The following KDM5A variants were observed in gnomAD, a reference collection of about 807,000 sequenced individuals.
The protein encoded by KDM5A is lysine demethylase 5A.
A neutral mutation model predicts 193.5 loss-of-function variants in KDM5A; 42 were observed. The ratio of observed to expected loss-of-function variants is 0.22; its 90% CI spans 0.17 to 0.28. KDM5A has a LOEUF of 0.28. KDM5A is among the 10% of genes least tolerant of loss of function. The probability of loss-of-function intolerance (pLI) is 1.00; values close to 1 mark genes in which losing one functional copy is unlikely to be tolerated. For missense variants in KDM5A, 1,692 were observed against 2,055.1 expected, an observed-to-expected ratio of 0.82 and a Z score of 3.42; for synonymous variants, 796 against 718.1, an observed-to-expected ratio of 1.11 and a Z score of -1.73.
At chr12:326,989 G>C (rs1302269206) in intron 14 of KDM5A, among the ~76,000 whole-genome samples, 2 of 151,998 alleles carry the variant, frequency 1.3e-5, no homozygotes, top group African/African-American at 4.8e-5. Flanking sequence ...ATAATGAAGG[G>C]ATAAAGAGGA....
At chr12:289,903 C>CTTTTTTTTTTT (rs1943269398) in intron 27 of KDM5A, among the ~76,000 whole-genome samples, 14 of 106,730 alleles carry the variant, frequency 1.3e-4, no homozygotes, top group East Asian at 4.4e-4. Flanking sequence ...TTTTTTCTTT[C>CTTTTTTTTTTT]TTTCTTTTTT....
chr12:356,295 G>C, intron 6 of KDM5A, 137 bp downstream of exon 6: 1 of 669,948 alleles, frequency 1.5e-6, no homozygotes, highest in Non-Finnish European at 2.7e-6. Flanking sequence ...TAAAAAAGGC[G>C]ATTTGCCTAG....
intron 3 of KDM5A, among the ~76,000 whole-genome samples, chr12:379,384 T>C (rs951243304): frequency 5.3e-5 from 8 of 152,200 alleles, no homozygotes; most frequent in Admixed American, 1.3e-4. Flanking sequence ...TGAAGAAGTA[T>C]TGACTGGAAA....
intron 4 of KDM5A, among the ~76,000 whole-genome samples, chr12:364,331 G>A (rs903791020): frequency 6.6e-6 from 1 of 152,056 alleles, no homozygotes; most frequent in Admixed American, 6.6e-5. Context: ...AATTAGCTGG[G>A]GGTGGTGGCA....
chr12:356,985 A>C (rs1026191455), intron 5 of KDM5A, among the ~76,000 whole-genome samples: 1 of 152,242 alleles, frequency 6.6e-6, no homozygotes. Context: ...GCCATCTTCT[A>C]ATAAAAGGCG....
rs60377454 is a variant in KDM5A, at chr12:323,210, C to CAAAA, written c.2151-8_2151-5dup. ...GTCTTCTAATGGGTAGCGATATCTA[C>CAAAA]AAAAAAAAAAAAAAAAAAAAAAAAA... On this transcript the variant is annotated splice_region_variant and splice_polypyrimidine_tract_variant and intron_variant, in intron 15 of 27. Transcript: ENST00000399788. 3.7e-3 allele frequency: 1,108 copies of CAAAA among 296,956 alleles called. 28 individuals are homozygous for CAAAA. Among genetic ancestry groups the CAAAA allele is most frequent in the African/African-American group, 8.7e-3 (126 of 14,492 alleles). 18.4% of individuals were successfully genotyped at this position (296,956 alleles called of 1,614,324 possible).
chr12:347,145 G>A (rs905130278), intron 10 of KDM5A, among the ~76,000 whole-genome samples: 3 of 152,108 alleles, frequency 2.0e-5, no homozygotes. Flanking sequence ...CAAATCATGA[G>A]TGAACTCCCA....
intron 5 of KDM5A, among the ~76,000 whole-genome samples, chr12:358,712 C>A (rs1027956754): frequency 3.9e-5 from 6 of 152,128 alleles, no homozygotes; most frequent in African/African-American, 1.4e-4. Flanking sequence ...ATGACTCACA[C>A]TTGTAAATCC....
At chr12:329,884 G>A (rs1287056233) in intron 13 of KDM5A, among the ~76,000 whole-genome samples, 4 of 151,996 alleles carry the variant, frequency 2.6e-5, no homozygotes, top group African/African-American at 9.7e-5. Flanking sequence ...GTTTGGATTT[G>A]TAATATAAAA....
chr12:376,255 T>C (rs1051721451), intron 3 of KDM5A, among the ~76,000 whole-genome samples: 1 of 152,184 alleles, frequency 6.6e-6, no homozygotes. Flanking sequence ...GCTGCTTTGT[T>C]TACCTACTCA....
intron 10 of KDM5A, among the ~76,000 whole-genome samples, chr12:342,979 C>T (rs1439096844): frequency 6.6e-6 from 1 of 152,190 alleles, no homozygotes; most frequent in Non-Finnish European, 1.5e-5. Flanking sequence ...TGCATCACCT[C>T]ACCCTGGAAG....
chr12:375,225 G>C (rs993180153), intron 3 of KDM5A, among the ~76,000 whole-genome samples: 2 of 152,208 alleles, frequency 1.3e-5, no homozygotes, highest in Admixed American at 6.5e-5. Context: ...ATCAGACACA[G>C]ACTTGGTCTT....
At chr12:362,458 T>A (rs1212894917) in intron 5 of KDM5A, among the ~76,000 whole-genome samples, 1 of 152,220 alleles carries the variant, frequency 6.6e-6, no homozygotes, top group East Asian at 1.9e-4. Flanking sequence ...CTAAGAAATT[T>A]ATACTCTGGT....
chr12:386,750 AT>A (rs1430231329), intron 1 of KDM5A, among the ~76,000 whole-genome samples: 4 of 152,168 alleles, frequency 2.6e-5, no homozygotes, highest in Non-Finnish European at 4.4e-5. Context: ...TAAAGTAGGG[AT>A]GGATGCTCAA....
chr12:336,138 G>T (rs1019152741), intron 10 of KDM5A, among the ~76,000 whole-genome samples: 1 of 150,592 alleles, frequency 6.6e-6, no homozygotes. Context: ...GCAGGCAGAT[G>T]ACTTCAGCCC....
At chr12:348,483 T>G (rs1565541696) in intron 10 of KDM5A, among the ~76,000 whole-genome samples, 1 of 152,196 alleles carries the variant, frequency 6.6e-6, no homozygotes, top group Non-Finnish European at 1.5e-5. Flanking sequence ...GCGGCAGTAT[T>G]CACAATAGCA....
At chr12:359,876 G>C (rs959478274) in intron 5 of KDM5A, among the ~76,000 whole-genome samples, 21 of 151,476 alleles carry the variant, frequency 1.4e-4, no homozygotes, top group African/African-American at 4.8e-4. Context: ...AAGGAAGGAA[G>C]AGGTGATAAT....
intron 3 of KDM5A, among the ~76,000 whole-genome samples, chr12:382,286 C>T (rs912200388): frequency 6.6e-6 from 1 of 151,914 alleles, no homozygotes; most frequent in African/African-American, 2.4e-5. Flanking sequence ...ACAAAATTAG[C>T]CAGGTGTGGT....
chr12:296,576 T>C (rs1385033313), intron 25 of KDM5A, among the ~76,000 whole-genome samples: 1 of 152,210 alleles, frequency 6.6e-6, no homozygotes, highest in Non-Finnish European at 1.5e-5. Flanking sequence ...TCCAGAGTTG[T>C]GACCTAAAGT....
Sources: allele counts gnomAD v4.1 joint callset (sites outside exome capture counted in the v4.1 genomes callset), GRCh38; gene constraint gnomAD v4.1.1; transcripts MANE v1.5; gene names NCBI Gene and HGNC (gene_info 2026-07-23, HGNC 2026-07-21).